The following WSCD2 variants were observed in gnomAD, a reference collection of about 807,000 sequenced individuals.
WSCD2 encodes WSC domain sialate O sulfotransferase 2.
WSCD2 carries 28 observed loss-of-function variants against 55.7 expected under a neutral mutation model. The observed-to-expected ratio is 0.50, with a 90% confidence interval of 0.37 to 0.69. The LOEUF is 0.69. WSCD2 is among the 30% of genes least tolerant of loss of function. The pLI, the probability that WSCD2 is intolerant of heterozygous loss-of-function variation, is 0.00. For synonymous variants in WSCD2, 301 were observed against 301.9 expected, an observed-to-expected ratio of 1.00 and a Z score of 0.03; for missense variants, 616 against 762.1, an observed-to-expected ratio of 0.81 and a Z score of 2.26.
intron 1 of WSCD2, among the ~76,000 whole-genome samples, chr12:108,150,383 C>G (rs749108198): frequency 2.6e-5 from 4 of 152,040 alleles, no homozygotes; most frequent in African/African-American, 4.8e-5. Flanking sequence ...TAGAGTGTTA[C>G]GAGAACATGG....
chr12:108,140,632 G>T (rs917924020), intron 1 of WSCD2, among the ~76,000 whole-genome samples: 3 of 152,170 alleles, frequency 2.0e-5, no homozygotes, highest in Admixed American at 1.3e-4. Flanking sequence ...TGGGGATTGA[G>T]GTGTCAGTGT....
intron 1 of WSCD2, among the ~76,000 whole-genome samples, chr12:108,168,575 T>C (rs1879906953): frequency 6.6e-6 from 1 of 152,240 alleles, no homozygotes; most frequent in Non-Finnish European, 1.5e-5. Context: ...ATCAGTCTCA[T>C]TGTGTCTCAG....
chr12:108,219,808 T>C (rs533123340), intron 4 of WSCD2, among the ~76,000 whole-genome samples: 1 of 152,314 alleles, frequency 6.6e-6, no homozygotes, highest in South Asian at 2.1e-4. Flanking sequence ...CCCAAAATAC[T>C]GTCTGTAGCA....
intron 1 of WSCD2, among the ~76,000 whole-genome samples, chr12:108,144,705 C>A (rs1345010192): frequency 6.6e-6 from 1 of 152,172 alleles, no homozygotes; most frequent in Non-Finnish European, 1.5e-5. Flanking sequence ...AAACTGCAGC[C>A]CCAGCAGCCT....
chr12:108,176,968 G>C (rs1000080930), intron 1 of WSCD2, among the ~76,000 whole-genome samples: 2 of 152,192 alleles, frequency 1.3e-5, no homozygotes, highest in Admixed American at 6.5e-5. Context: ...TTTAATTAAA[G>C]CACAGGTTGT....
chr12:108,239,262 C>T (rs1889516186), intron 7 of WSCD2, among the ~76,000 whole-genome samples: 1 of 152,172 alleles, frequency 6.6e-6, no homozygotes, highest in African/African-American at 2.4e-5. Context: ...CAGCACCTGG[C>T]CCTCCCTTCC....
chr12:108,187,586 G>A (rs1447741282), intron 1 of WSCD2, among the ~76,000 whole-genome samples: 2 of 152,170 alleles, frequency 1.3e-5, no homozygotes, highest in African/African-American at 4.8e-5. Flanking sequence ...GCTAACAAGT[G>A]GAACCTTTCT....
intron 1 of WSCD2, among the ~76,000 whole-genome samples, chr12:108,179,226 A>G (rs1223894595): frequency 7.1e-6 from 1 of 140,596 alleles, no homozygotes; most frequent in Admixed American, 7.5e-5. Flanking sequence ...TTCAGGCTCC[A>G]CGGGAGTCCT....
intron 2 of WSCD2, among the ~76,000 whole-genome samples, chr12:108,204,066 A>G (rs891558431): frequency 3.9e-5 from 6 of 152,230 alleles, no homozygotes; most frequent in African/African-American, 1.4e-4. Context: ...AAACAGATAG[A>G]AGAGTCACTA....
chr12:108,234,403 G>A (rs1047064280), intron 7 of WSCD2, among the ~76,000 whole-genome samples: 1 of 152,190 alleles, frequency 6.6e-6, no homozygotes, highest in African/African-American at 2.4e-5. Flanking sequence ...GGGTGAAGAG[G>A]GACAGGCTAA....
intron 1 of WSCD2, among the ~76,000 whole-genome samples, chr12:108,174,524 C>G (rs1011551114): frequency 6.6e-6 from 1 of 152,154 alleles, no homozygotes. Context: ...GGACAGTGTC[C>G]TCCAAACCAA....
intron 4 of WSCD2, among the ~76,000 whole-genome samples, chr12:108,211,652 C>A: frequency 9.3e-6 from 1 of 107,756 alleles, no homozygotes; most frequent in African/African-American, 3.5e-5. Flanking sequence ...TATATATATA[C>A]ATATATATAT....
In WSCD2 at chr12:108,248,916, G is replaced by A. The variant is rs1890273482; in HGVS notation, c.*573G>A. The stretch of plus-strand genomic sequence containing the variant: ...TTAGGTTTCTGACATCCTGGATAGT[G>A]TGGGGAGGTAATGGTGCTCACAGTA... On this transcript the variant is annotated 3_prime_UTR_variant, in exon 9 of 9. Coordinates refer to ENST00000547525, the MANE Select transcript of WSCD2 (RefSeq NM_014653.4). This position sits in a 1 kb window ranked among gnomAD's most constrained non-coding sequence, Gnocchi z 4.3. 1 of 987,912 alleles carries A rather than the reference G, an allele frequency of 1.0e-6. No individual in the cohort carries two copies. The highest frequency in any genetic ancestry group is 1.7e-5 in the African/African-American group (1 of 57,248). The allele number at this position is 987,912 out of a possible 1,614,324, so 61.2% of individuals were successfully genotyped here.
chr12:108,212,995 TAGAAGGGAGGCAGCTTGGACAA>T (rs376678466), intron 4 of WSCD2, among the ~76,000 whole-genome samples: 1 of 152,124 alleles, frequency 6.6e-6, no homozygotes, highest in African/African-American at 2.4e-5. Context: ...GGCTGAGACT[TAGAAGGGAGGCAGCTTGGACAA>T]GGAGAGAGAT....
chr12:108,145,017 C>A (rs1004731652), intron 1 of WSCD2, among the ~76,000 whole-genome samples: 1 of 152,218 alleles, frequency 6.6e-6, no homozygotes, highest in African/African-American at 2.4e-5. Context: ...TGGCTGCATC[C>A]ATGAGCACCA....
chr12:108,197,753 T>C (rs1372069782), intron 2 of WSCD2, among the ~76,000 whole-genome samples: 2 of 151,892 alleles, frequency 1.3e-5, no homozygotes, highest in African/African-American at 2.4e-5. Context: ...AGCCAGCACC[T>C]TGAGATATGG....
At position 108,248,677 on chromosome 12, in the gene WSCD2, T is replaced by A; in HGVS notation, c.*334T>A. The A allele has an allele frequency of 9.4e-7, 1 of 1,064,242 alleles. No individual in the cohort carries two copies. The highest frequency in any genetic ancestry group is 1.1e-6 in the Non-Finnish European group (1 of 877,536). 65.9% of individuals were successfully genotyped at this position (1,064,242 alleles called of 1,614,324 possible). On this transcript the variant is annotated 3_prime_UTR_variant, in exon 9 of 9. Transcript: ENST00000547525. This position sits in a 1 kb window ranked among gnomAD's most constrained non-coding sequence, Gnocchi z 4.3. The stretch of plus-strand genomic sequence containing the variant: ...TGGGAGGGAGGGCTCATCCACATCA[T>A]GGAGACTTGCTGGATGCCCCATGGC...
intron 1 of WSCD2, among the ~76,000 whole-genome samples, chr12:108,160,876 T>C (rs1370874524): frequency 6.6e-6 from 1 of 152,234 alleles, no homozygotes; most frequent in Non-Finnish European, 1.5e-5. Flanking sequence ...AAATCCCAGC[T>C]CTGACATTGA....
At chr12:108,240,082 T>C (rs924909604) in intron 7 of WSCD2, among the ~76,000 whole-genome samples, 1 of 152,196 alleles carries the variant, frequency 6.6e-6, no homozygotes, top group Non-Finnish European at 1.5e-5. Flanking sequence ...TTTACATTTA[T>C]TTGTGTTCAC....
Sources: allele counts gnomAD v4.1 joint callset (sites outside exome capture counted in the v4.1 genomes callset), GRCh38; gene constraint gnomAD v4.1.1; non-coding constraint Gnocchi (gnomAD v3.1); transcripts MANE v1.5; gene names NCBI Gene and HGNC (gene_info 2026-07-23, HGNC 2026-07-21).